MICU3: variants seen among roughly 807,000 people sequenced by gnomAD.
MICU3 encodes the protein calcium uptake protein 3, mitochondrial.
In MICU3, 62 loss-of-function variants were observed where a neutral mutation model predicts 66.5. That is an observed-to-expected ratio of 0.93 (90% confidence interval 0.76 to 1.15). The LOEUF is 1.15. Ranked by LOEUF, MICU3 falls within the 50% of genes most tolerant of loss-of-function variation. The pLI, the probability that MICU3 is intolerant of heterozygous loss-of-function variation, is 0.00. For synonymous variants in MICU3, 308 were observed against 240.7 expected (o/e 1.28, Z -2.59); for missense variants, 779 against 664.4 (o/e 1.17, Z -1.90).
chr8:17,060,624 T>TG lies in MICU3; in HGVS notation c.382-3460_382-3459insG, dbSNP rs560914763. Among the ~76,000 whole-genome samples, 122 of 152,272 alleles carry TG rather than the reference T, an allele frequency of 8.0e-4. 1 individual carries two copies. The South Asian group carries it at 8.9e-3, about 11-fold the overall frequency. The stretch of plus-strand genomic sequence containing the variant: ...ACTACGCCTGGCCATTACTTACATT[T>TG]AACCAGTCCATTTTTCATCTGAGTG... On this transcript the variant is annotated intron_variant, in intron 1 of 14. Coordinates refer to ENST00000318063, the MANE Select transcript of MICU3 (RefSeq NM_181723.3).
At chr8:17,136,219 G>A in the MICU3 span, among the ~76,000 whole-genome samples, 1 of 152,056 alleles carries the variant, frequency 6.6e-6, no homozygotes, top group Non-Finnish European at 1.5e-5. Context: ...ATATTCATGA[G>A]AGGGACATTT....
At chr8:17,102,623 C>G (rs954245779) in intron 9 of MICU3, 2 of 151,938 alleles carry the variant, frequency 1.3e-5, no homozygotes, top group Non-Finnish European at 2.9e-5. Flanking sequence ...GAGAGCTACT[C>G]CAATTATACT....
At chr8:17,097,839 C>G (rs1800876321) in intron 8 of MICU3, among the ~76,000 whole-genome samples, 1 of 151,734 alleles carries the variant, frequency 6.6e-6, no homozygotes, top group African/African-American at 2.4e-5. Context: ...ACCCTGTTCT[C>G]AGAATTTAGT....
intron 1 of MICU3, among the ~76,000 whole-genome samples, chr8:17,060,723 T>G (rs967464110): frequency 3.9e-5 from 6 of 152,192 alleles, no homozygotes; most frequent in Non-Finnish European, 8.8e-5. Context: ...AAGCAACCAG[T>G]TGGTGGTACT....
intron 4 of MICU3, 141 bp from the exon 5 acceptor site, chr8:17,081,552 C>A (rs1821183568): frequency 8.9e-6 from 3 of 337,520 alleles, no homozygotes; most frequent in Non-Finnish European, 1.6e-5. Context: ...TTTGTTGCTT[C>A]TTTTGTTATG....
At chr8:17,099,767 A>T (rs1185657120) in intron 9 of MICU3, among the ~76,000 whole-genome samples, 5 of 151,740 alleles carry the variant, frequency 3.3e-5, no homozygotes, top group Admixed American at 3.3e-4. Context: ...GGACTCTTAG[A>T]GTGCATACAA....
At position 17,027,451 on chromosome 8, in the gene MICU3, T is replaced by C. The variant is rs1811179358; in HGVS notation, c.172T>C (p.Trp58Arg). 2.3e-6 allele frequency: 3 copies of C among 1,299,620 alleles called. No individual in the cohort carries two copies. Among genetic ancestry groups the C allele is most frequent in the Admixed American group, 4.2e-5 (1 of 24,076 alleles). 80.5% of individuals were successfully genotyped at this position (1,299,620 alleles called of 1,614,324 possible). The change falls in exon 1 of 15, where the codon TGG becomes CGG. Residue 58 changes from tryptophan to arginine, a missense_variant. Trp to Arg is a moderately radical substitution (Grantham distance 101). Transcript: ENST00000318063. ...GGAGAGGGCTGTGGCGGAGGCGGCA[T>C]GGAGGCGGCGGCGGCGCTGGGGGGA... is the stretch of plus-strand genomic sequence containing the variant. ...DEERAVAEAAWRRRRRWGELS... is the reference protein window; with the variant it reads ...DEERAVAEAARRRRRRWGELS...
At chr8:17,134,698 C>A in the MICU3 span, among the ~76,000 whole-genome samples, 1 of 152,180 alleles carries the variant, frequency 6.6e-6, no homozygotes, top group Non-Finnish European at 1.5e-5. Flanking sequence ...CCCGCCTTGG[C>A]CTCCCAAATT....
chr8:17,071,193 G>A (rs1819534233), intron 3 of MICU3, among the ~76,000 whole-genome samples: 1 of 152,114 alleles, frequency 6.6e-6, no homozygotes, highest in South Asian at 2.1e-4. Flanking sequence ...TTTACTGGAA[G>A]TCTGGGCTAG....
intron 11 of MICU3, among the ~76,000 whole-genome samples, chr8:17,108,378 A>T (rs1035721273): frequency 4.6e-5 from 7 of 152,088 alleles, no homozygotes; most frequent in African/African-American, 1.7e-4. Context: ...GGCTTTTGCA[A>T]TGTACTGCCT....
chr8:17,119,252 A>G (rs185928653), intron 14 of MICU3, among the ~76,000 whole-genome samples: 1 of 152,166 alleles, frequency 6.6e-6, no homozygotes, highest in Non-Finnish European at 1.5e-5. Flanking sequence ...GCTTCATTCT[A>G]TCTTATTCAT....
intron 1 of MICU3, among the ~76,000 whole-genome samples, chr8:17,034,849 G>A (rs1437626268): frequency 2.6e-5 from 4 of 152,230 alleles, no homozygotes; most frequent in Admixed American, 1.3e-4. Flanking sequence ...TGTGAACATT[G>A]TTGAAATGAC....
intron 1 of MICU3, among the ~76,000 whole-genome samples, chr8:17,032,087 T>TA (rs1812180123): frequency 6.6e-6 from 1 of 152,246 alleles, no homozygotes; most frequent in South Asian, 2.1e-4. Flanking sequence ...GTATGGAACA[T>TA]ACACTGAGAA....
intron 1 of MICU3, among the ~76,000 whole-genome samples, chr8:17,063,561 G>C (rs1224245633): frequency 6.6e-6 from 1 of 152,110 alleles, no homozygotes; most frequent in Non-Finnish European, 1.5e-5. Context: ...CTATACTGTA[G>C]TGATCTGGAA....
chr8:17,125,843 G>A (rs1422470664), downstream of MICU3, among the ~76,000 whole-genome samples: 4 of 151,766 alleles, frequency 2.6e-5, no homozygotes, highest in South Asian at 2.1e-4. Context: ...CAGCCTGACC[G>A]AGATGGTGAA....
rs947835957 is a variant in MICU3, at chr8:17,086,930, T to C, written c.778-34T>C. On this transcript the variant is annotated intron_variant, in intron 6 of 14. Coordinates refer to ENST00000318063, the MANE Select transcript of MICU3 (RefSeq NM_181723.3). ...TAGATAGGTGCCCAGAAACTCTTGT[T>C]GGATATTTGATTCTTGATTGATTTC... 4 of 1,447,876 alleles carry C rather than the reference T, an allele frequency of 2.8e-6. No individual in the cohort carries two copies. The African/African-American group carries it at 5.6e-5, about 20-fold the overall frequency. 89.7% of individuals were successfully genotyped at this position (1,447,876 alleles called of 1,614,324 possible). A position where few individuals can be genotyped will look rare whatever the true frequency, so the allele number is the denominator to read the frequency against.
At chr8:17,092,663 T>C (rs1800200382) in intron 8 of MICU3, among the ~76,000 whole-genome samples, 1 of 152,024 alleles carries the variant, frequency 6.6e-6, no homozygotes. Flanking sequence ...AGAAAAATAT[T>C]TGCTCATTAA....
downstream of MICU3, among the ~76,000 whole-genome samples, chr8:17,125,163 T>C (rs1418513755): frequency 6.6e-6 from 1 of 152,218 alleles, no homozygotes; most frequent in Non-Finnish European, 1.5e-5. Context: ...ATCTTTCTTT[T>C]CCACTGTTCA....
At position 17,085,300 on chromosome 8, in the gene MICU3, T is replaced by C; in HGVS notation, c.759T>C (p.Asp253=). 1 of 1,607,898 alleles carries C rather than the reference T, an allele frequency of 6.2e-7. No homozygotes were observed. ...MFDTDGNEMV[D]KKEFLVLQEI... ...ACACTGATGGCAATGAGATGGTGGA[T>C]AAAAAAGAGTTTTTGGTGGTATGTA... Residue 253 remains aspartate (D), a synonymous_variant, in exon 6 of 15, where the codon GAT becomes GAC. Coordinates refer to ENST00000318063, the MANE Select transcript of MICU3 (RefSeq NM_181723.3).
Sources: gnomAD v4.1 joint callset for allele counts (sites outside exome capture counted in the v4.1 genomes callset) on GRCh38, gnomAD v4.1.1 for gene constraint, MANE v1.5 for transcripts, NCBI Gene and HGNC (gene_info 2026-07-23, HGNC 2026-07-21) for gene names.